The following ZHX3 variants were observed in gnomAD, a reference collection of about 807,000 sequenced individuals.
ZHX3 encodes zinc fingers and homeoboxes protein 3.
A neutral mutation model predicts 64.5 loss-of-function variants in ZHX3; 20 were observed. The ratio of observed to expected loss-of-function variants is 0.31; its 90% CI spans 0.22 to 0.45. The LOEUF is 0.45. Ranked by LOEUF, ZHX3 falls within the 20% of genes least tolerant of loss-of-function variation. ZHX3 has a pLI of 1.00. For synonymous variants in ZHX3, 423 were observed against 461.6 expected (o/e 0.92, Z 1.07); for missense variants, 1,041 against 1,195.8 (o/e 0.87, Z 1.91).
At chr20:41,285,466 T>C (rs1351588006) in intron 1 of ZHX3, among the ~76,000 whole-genome samples, 1 of 152,224 alleles carries the variant, frequency 6.6e-6, no homozygotes, top group Non-Finnish European at 1.5e-5. Flanking sequence ...TGTTTGAGCC[T>C]CTGTTTCCCT....
At position 41,317,585 on chromosome 20, in the gene ZHX3, G is replaced by A. The variant is rs929934542; in HGVS notation, c.-321C>T. On this transcript the variant is annotated 5_prime_UTR_variant, in exon 1 of 4. Transcript: ENST00000683867. The stretch of plus-strand genomic sequence containing the variant: ...TGCGGGCCTCCCTCCCCGCGGCCGG[G>A]CGGGCGGCCGGCGCAGGCCCCGCAG... 6.8e-6 allele frequency: 1 copy of A among 147,292 alleles called. No individual in the cohort carries two copies. Among genetic ancestry groups the A allele is most frequent in the African/African-American group, 2.4e-5 (1 of 40,938 alleles). The allele number at this position is 147,292 out of a possible 1,614,324, so 9.1% of individuals were successfully genotyped here.
At position 41,203,332 on chromosome 20, in the gene ZHX3, T is replaced by C; in HGVS notation, c.1585A>G (p.Lys529Glu). Residue 529 changes from lysine to glutamate, a missense_variant, in exon 3 of 4, where the codon AAA (lysine) becomes GAA (glutamate). Coordinates refer to ENST00000683867, the MANE Select transcript of ZHX3 (RefSeq NM_001384317.1). This position sits in a 1 kb window ranked among gnomAD's most constrained non-coding sequence, Gnocchi z 7.1. ...PGQSEVEHLT[K>E]VTGLSTREVR... The stretch of plus-strand genomic sequence containing the variant: ...TCTCTGGTACTGAGGCCCGTCACTT[T>C]TGTGAGATGTTCAACTTCGCTCTGC... 1.2e-6 allele frequency: 2 copies of C among 1,614,200 alleles called. No homozygotes were observed. Among genetic ancestry groups the C allele is most frequent in the Non-Finnish European group, 1.7e-6 (2 of 1,180,032 alleles).
chr20:41,312,321 A>G (rs981884113), intron 1 of ZHX3, among the ~76,000 whole-genome samples: 2 of 152,302 alleles, frequency 1.3e-5, no homozygotes, highest in East Asian at 3.9e-4. Flanking sequence ...CAAATAAGGG[A>G]ATAAAAGCTA....
At chr20:41,257,784 CG>C (rs1568907013) in intron 2 of ZHX3, among the ~76,000 whole-genome samples, 6 of 135,584 alleles carry the variant, frequency 4.4e-5, no homozygotes, top group African/African-American at 1.8e-4. Context: ...GCTAAGTTTT[CG>C]TATTTTTAGT....
At chr20:41,284,576 C>A (rs1250084868) in intron 1 of ZHX3, among the ~76,000 whole-genome samples, 1 of 152,130 alleles carries the variant, frequency 6.6e-6, no homozygotes, top group Non-Finnish European at 1.5e-5. Context: ...GTCTGTTGGT[C>A]CCTACAGTTA....
rs1479188594 is a variant in ZHX3, at chr20:41,184,957, C to T, written c.*234G>A. On this transcript the variant is annotated 3_prime_UTR_variant, in exon 4 of 4. Coordinates refer to ENST00000683867, the MANE Select transcript of ZHX3 (RefSeq NM_001384317.1). ...ATTGGAAGGTAAAGGAAAGGTCCTACATTGTGGGAGGAAGAACTGATGAGA... is the reference window on the plus strand; with the variant it reads ...ATTGGAAGGTAAAGGAAAGGTCCTATATTGTGGGAGGAAGAACTGATGAGA... 1 of 1,546,756 alleles carries T rather than the reference C, an allele frequency of 6.5e-7. No homozygotes were observed. The highest frequency in any genetic ancestry group is 2.4e-5 in the East Asian group (1 of 40,928).
intron 1 of ZHX3, among the ~76,000 whole-genome samples, chr20:41,297,391 T>C (rs1460628806): frequency 3.9e-5 from 6 of 152,194 alleles, no homozygotes; most frequent in Non-Finnish European, 8.8e-5. Context: ...CACCCCCATG[T>C]TTTAAATCTT....
chr20:41,258,790 T>C (rs1265256175), intron 2 of ZHX3, among the ~76,000 whole-genome samples: 1 of 152,168 alleles, frequency 6.6e-6, no homozygotes, highest in Non-Finnish European at 1.5e-5. Flanking sequence ...TTCTTTATAG[T>C]TAATTAACAC....
chr20:41,202,324 G>C lies in ZHX3; in HGVS notation c.2593C>G (p.Leu865Val). 6.2e-7 allele frequency: 1 copy of C among 1,614,202 alleles called. No homozygotes were observed. Among genetic ancestry groups the C allele is most frequent in the Non-Finnish European group, 8.5e-7 (1 of 1,180,044 alleles). ...TGGGTCTTGTCACAGAGGTTCTGCA[G>C]GTCCTCTTCATACAGCATCTTGTGT... ...MTHKMLYEEDLQNLCDKTQMS... is the reference protein window; with the variant it reads ...MTHKMLYEEDVQNLCDKTQMS... Residue 865 changes from leucine to valine, a missense_variant, in exon 3 of 4, where the codon CTG (leucine) becomes GTG (valine). Physicochemically the swap from Leu to Val is conservative, Grantham distance 32. This residue lies in a region of ZHX3 where 649 missense variants were observed against 739.8 expected (regional missense o/e 0.88). Transcript: ENST00000683867. The surrounding 1 kb of genome is among the most constrained non-coding windows in gnomAD (Gnocchi z 7.0).
In ZHX3 at chr20:41,250,164, T is replaced by C. The variant is rs142537521; in HGVS notation, c.-151+18826A>G. Among the ~76,000 whole-genome samples the C allele has an allele frequency of 4.6e-3, 704 of 152,126 alleles. 21 individuals are homozygous for C. The highest frequency in any genetic ancestry group is 0.043 in the Admixed American group (659 of 15,284). ...GGCCTGGGGAAACTCCTTACCCCCA[T>C]CAGACAGCACCAACAGGGACTAGTG... On this transcript the variant is annotated intron_variant, in intron 2 of 3. Transcript: ENST00000683867.
intron 1 of ZHX3, among the ~76,000 whole-genome samples, chr20:41,312,534 C>T (rs1323692467): frequency 6.6e-6 from 1 of 152,148 alleles, no homozygotes; most frequent in Non-Finnish European, 1.5e-5. Flanking sequence ...GGAATGAACT[C>T]CGGACACACT....
chr20:41,246,909 A>C (rs1032808644), intron 2 of ZHX3, among the ~76,000 whole-genome samples: 11 of 151,646 alleles, frequency 7.3e-5, no homozygotes, highest in South Asian at 2.1e-4. Context: ...AACAAACAAA[A>C]AAAACTAATA....
intron 2 of ZHX3, among the ~76,000 whole-genome samples, chr20:41,248,682 C>T (rs1217860617): frequency 6.6e-6 from 1 of 152,178 alleles, no homozygotes; most frequent in Non-Finnish European, 1.5e-5. Context: ...TCTCCAAAAC[C>T]TCATTCTTTT....
chr20:41,196,545 T>G (rs1349632312), intron 3 of ZHX3: 12 of 86,808 alleles, frequency 1.4e-4, no homozygotes, highest in Admixed American at 4.0e-4. Flanking sequence ...AAATATTATA[T>G]ATAATATATA....
At position 41,185,516 on chromosome 20, in the gene ZHX3, G is replaced by A. The variant is rs1374041377; in HGVS notation, c.2861-315C>T. ...AATCCCCCTAGCTCCCCAGGCTTCC[G>A]CCACCACCGTCTCTGGAGTCCTGTC... On this transcript the variant is annotated intron_variant, in intron 3 of 3. Coordinates refer to ENST00000683867, the MANE Select transcript of ZHX3 (RefSeq NM_001384317.1). The surrounding 1 kb of genome is among the most constrained non-coding windows in gnomAD (Gnocchi z 5.0). The A allele has an allele frequency of 7.9e-6, 4 of 505,660 alleles. No individual in the cohort carries two copies. The highest frequency in any genetic ancestry group is 3.7e-5 in the Admixed American group (1 of 27,116). The allele number at this position is 505,660 out of a possible 1,614,324, so 31.3% of individuals were successfully genotyped here.
At chr20:41,271,408 T>TA (rs1837036699) in intron 1 of ZHX3, among the ~76,000 whole-genome samples, 1 of 152,224 alleles carries the variant, frequency 6.6e-6, no homozygotes, top group South Asian at 2.1e-4. Context: ...GCAACACCCT[T>TA]ACTCAACCAA....
intron 1 of ZHX3, among the ~76,000 whole-genome samples, chr20:41,298,227 A>G (rs2044636096): frequency 6.6e-6 from 1 of 152,236 alleles, no homozygotes; most frequent in Non-Finnish European, 1.5e-5. Flanking sequence ...TCACACTGTG[A>G]CATGTGAAAC....
chr20:41,296,664 C>G (rs1358119350), intron 1 of ZHX3, among the ~76,000 whole-genome samples: 2 of 152,346 alleles, frequency 1.3e-5, no homozygotes, highest in East Asian at 3.9e-4. Flanking sequence ...CTACCCTGCT[C>G]TCTGTCTTGG....
intron 2 of ZHX3, among the ~76,000 whole-genome samples, chr20:41,265,660 G>A (rs1342572877): frequency 1.3e-5 from 2 of 151,964 alleles, no homozygotes; most frequent in Admixed American, 1.3e-4. Flanking sequence ...AGTCTCTGAG[G>A]GTGAGACCAG....
Sources: gnomAD v4.1 joint callset for allele counts (sites outside exome capture counted in the v4.1 genomes callset) on GRCh38, gnomAD v4.1.1 for gene constraint, gnomAD v4.1.1 regional missense constraint, Gnocchi (gnomAD v3.1) non-coding constraint, MANE v1.5 for transcripts, NCBI Gene and HGNC (gene_info 2026-07-23, HGNC 2026-07-21) for gene names.